The following MMP26 variants were observed in gnomAD, a reference collection of about 807,000 sequenced individuals.
The protein encoded by MMP26 is matrix metallopeptidase 26.
MMP26 carries 33 observed loss-of-function variants against 31.0 expected under a neutral mutation model. The ratio of observed to expected loss-of-function variants is 1.06; its 90% CI spans 0.81 to 1.42. The LOEUF (loss-of-function observed/expected upper bound fraction) is 1.42, where lower values mean the gene tolerates loss of function less well. MMP26 is among the 40% of genes most tolerant of loss of function. The pLI, the probability that MMP26 is intolerant of heterozygous loss-of-function variation, is 0.00. For missense variants in MMP26, 347 were observed against 316.1 expected, an observed-to-expected ratio of 1.10 and a Z score of -0.74; for synonymous variants, 122 against 114.9, an observed-to-expected ratio of 1.06 and a Z score of -0.40.
intron 2 of MMP26, among the ~76,000 whole-genome samples, chr11:4,886,688 A>G (rs911956477): frequency 2.1e-5 from 2 of 94,566 alleles, no homozygotes; most frequent in Non-Finnish European, 6.3e-5. Context: ...TTTAGTTTCT[A>G]TCATCTGACC....
At chr11:4,915,014 A>G (rs1268267100) in intron 2 of MMP26, 2 of 1,614,146 alleles carry the variant, frequency 1.2e-6, no homozygotes, top group Non-Finnish European at 1.7e-6. Flanking sequence ...GAGGATGAGC[A>G]GTGAGTCTAT....
At position 4,907,279 on chromosome 11, in the gene MMP26, A is replaced by G; in HGVS notation, c.-144-80789A>G. 4 of 802,792 alleles carry G rather than the reference A, an allele frequency of 5.0e-6. No homozygotes were observed. The East Asian group carries it at 1.0e-4, about 21-fold the overall frequency. 49.7% of individuals were successfully genotyped at this position (802,792 alleles called of 1,614,324 possible). On this transcript the variant is annotated intron_variant, in intron 2 of 7. Transcript: ENST00000380390. The stretch of plus-strand genomic sequence containing the variant: ...AGTATAGTATACGAATGAACCCCTT[A>G]TCCTCACAAAACTGAGTTTTAACCA...
intron 2 of MMP26, among the ~76,000 whole-genome samples, chr11:4,774,063 A>G (rs1011843985): frequency 1.3e-5 from 2 of 152,340 alleles, no homozygotes; most frequent in African/African-American, 2.4e-5. Flanking sequence ...GGTTAACTCC[A>G]TGTCCTTACT....
At chr11:4,790,931 T>C (rs1849016964) in intron 2 of MMP26, among the ~76,000 whole-genome samples, 1 of 152,242 alleles carries the variant, frequency 6.6e-6, no homozygotes, top group Non-Finnish European at 1.5e-5. Context: ...CAGAACTTTG[T>C]ATATAAACGT....
At position 4,960,015 on chromosome 11, in the gene MMP26, A is replaced by C. The variant is rs1846498672; in HGVS notation, c.-144-28053A>C. Reference sequence around the variant, plus strand: ...CTCTTTGAGTTTTTGAAATTTTTTCACTGAATTTCATTTCAGCCCCGCCCC... The same window carrying C: ...CTCTTTGAGTTTTTGAAATTTTTTCCCTGAATTTCATTTCAGCCCCGCCCC... On this transcript the variant is annotated intron_variant, in intron 2 of 7. Transcript: ENST00000380390. 2.0e-5 allele frequency among the ~76,000 whole-genome samples: 3 copies of C among 152,122 alleles called. No homozygotes were observed. The East Asian group carries it at 5.8e-4, about 29-fold the overall frequency.
chr11:4,829,379 GCTAT>G (rs1398196184), intron 2 of MMP26, among the ~76,000 whole-genome samples: 12 of 152,106 alleles, frequency 7.9e-5, no homozygotes, highest in Non-Finnish European at 1.3e-4. Flanking sequence ...ATCATTGTCG[GCTAT>G]CTAAGTTGGT....
At chr11:4,860,233 A>C (rs1208498470) in intron 2 of MMP26, 1 of 471,150 alleles carries the variant, frequency 2.1e-6, no homozygotes, top group Non-Finnish European at 4.4e-6. Flanking sequence ...TGATTCTACT[A>C]TTCCAAATAC....
intron 2 of MMP26, chr11:4,848,311 T>G (rs1849904960): frequency 6.2e-7 from 1 of 1,613,858 alleles, no homozygotes; most frequent in Non-Finnish European, 8.5e-7. Flanking sequence ...ATCTTGACAC[T>G]ATAGAGAATA....
At chr11:4,723,842 A>G (rs984817880) in intron 1 of MMP26, 3 of 1,531,322 alleles carry the variant, frequency 2.0e-6, no homozygotes, top group African/African-American at 1.4e-5. Flanking sequence ...TGCTCCAGGA[A>G]CCGTACCTTG....
intron 2 of MMP26, among the ~76,000 whole-genome samples, chr11:4,858,821 A>G (rs1316804803): frequency 3.9e-5 from 6 of 152,202 alleles, no homozygotes; most frequent in African/African-American, 1.4e-4. Flanking sequence ...ACTTCAAGCT[A>G]TACTACAAGG....
At chr11:4,906,557 A>C (rs1480237309) in intron 2 of MMP26, among the ~76,000 whole-genome samples, 2 of 152,206 alleles carry the variant, frequency 1.3e-5, no homozygotes, top group East Asian at 3.8e-4. Flanking sequence ...TAGTCTATAA[A>C]TGTATTTACT....
chr11:4,747,374 C>T (rs1445232261), intron 1 of MMP26, among the ~76,000 whole-genome samples: 5 of 152,102 alleles, frequency 3.3e-5, no homozygotes, highest in African/African-American at 1.2e-4. Context: ...CCTTAAGAAA[C>T]TCTGTTACTA....
intron 2 of MMP26, among the ~76,000 whole-genome samples, chr11:4,795,522 C>A (rs1188561430): frequency 6.6e-6 from 1 of 152,166 alleles, no homozygotes; most frequent in African/African-American, 2.4e-5. Flanking sequence ...TTAAACCTAA[C>A]AAAATTGGGC....
At chr11:4,893,651 A>G (rs1228881328) in intron 2 of MMP26, among the ~76,000 whole-genome samples, 3 of 152,200 alleles carry the variant, frequency 2.0e-5, no homozygotes, top group Non-Finnish European at 4.4e-5. Flanking sequence ...TTCTGTCACT[A>G]TATTGTTTTG....
At chr11:4,770,858 A>T (rs1966652) in intron 2 of MMP26, among the ~76,000 whole-genome samples, 42,556 of 151,944 alleles carry the variant, frequency 0.28, 6,976 homozygotes, top group African/African-American at 0.44. Context: ...AAGAAAAAAA[A>T]AAAACATGGT....
chr11:4,837,612 C>A (rs1345163519), intron 2 of MMP26, among the ~76,000 whole-genome samples: 2 of 152,014 alleles, frequency 1.3e-5, no homozygotes, highest in Non-Finnish European at 2.9e-5. Flanking sequence ...GAAAGACATT[C>A]ATTTTTACTA....
At chr11:4,792,973 C>T (rs1025409513) in intron 2 of MMP26, among the ~76,000 whole-genome samples, 2 of 152,046 alleles carry the variant, frequency 1.3e-5, no homozygotes, top group African/African-American at 2.4e-5. Context: ...TAAAAACAAG[C>T]AACTAAAATT....
intron 2 of MMP26, among the ~76,000 whole-genome samples, chr11:4,801,705 G>C (rs781763312): frequency 4.0e-5 from 6 of 151,868 alleles, no homozygotes; most frequent in Non-Finnish European, 7.4e-5. Context: ...ACCATGTCCA[G>C]CTAATTTTGT....
intron 2 of MMP26, among the ~76,000 whole-genome samples, chr11:4,801,495 TC>T (rs1195492541): frequency 3.4e-5 from 5 of 146,962 alleles, no homozygotes; most frequent in Admixed American, 6.9e-5. Flanking sequence ...GAGGGGGAGG[TC>T]CCGGACTTTT....
Sources: allele counts gnomAD v4.1 joint callset (sites outside exome capture counted in the v4.1 genomes callset), GRCh38; gene constraint gnomAD v4.1.1; transcripts MANE v1.5; gene names NCBI Gene and HGNC (gene_info 2026-07-23, HGNC 2026-07-21).